The following CDH12 variants were observed in gnomAD, a reference collection of about 807,000 sequenced individuals.
CDH12 encodes cadherin 12.
In CDH12, 41 loss-of-function variants were observed where a neutral mutation model predicts 74.1. That is an observed-to-expected ratio of 0.55 (90% CI 0.43 to 0.72). CDH12 has a LOEUF of 0.72. Ranked by LOEUF, CDH12 falls within the 30% of genes least tolerant of loss-of-function variation. The pLI is 0.00. For missense variants in CDH12, 945 were observed against 977.2 expected, an observed-to-expected ratio of 0.97 and a Z score of 0.44; for synonymous variants, 399 against 355.0, an observed-to-expected ratio of 1.12 and a Z score of -1.39.
chr5:22,720,037 A>AAC (rs10654995), intron 1 of CDH12, among the ~76,000 whole-genome samples: 116,702 of 148,364 alleles, frequency 0.79, 47,287 homozygotes, highest in Non-Finnish European at 0.9. Context: ...ACAAAAACAC[A>AAC]ACACACACAC....
intron 4 of CDH12, among the ~76,000 whole-genome samples, chr5:22,116,516 A>G (rs151272793): frequency 5.3e-5 from 8 of 152,158 alleles, no homozygotes; most frequent in African/African-American, 1.7e-4. Context: ...GAGGCAGGAG[A>G]ATGGCATGAA....
chr5:22,206,393 A>T (rs1024973843), intron 4 of CDH12, among the ~76,000 whole-genome samples: 9 of 151,672 alleles, frequency 5.9e-5, no homozygotes, highest in Admixed American at 5.3e-4. Context: ...TACCTGGGAA[A>T]TTTTTTTTTA....
At chr5:22,666,993 C>T (rs774391202) in intron 1 of CDH12, among the ~76,000 whole-genome samples, 1 of 152,186 alleles carries the variant, frequency 6.6e-6, no homozygotes, top group South Asian at 2.1e-4. Context: ...TGGCTAATAT[C>T]CATTCTGTTC....
chr5:22,128,237 A>G (rs1745991599), intron 4 of CDH12, among the ~76,000 whole-genome samples: 1 of 152,046 alleles, frequency 6.6e-6, no homozygotes, highest in Admixed American at 6.5e-5. Flanking sequence ...GAAGAAGAAA[A>G]GGGCAAGGTG....
chr5:22,427,154 C>A (rs1399759892), intron 2 of CDH12, among the ~76,000 whole-genome samples: 1 of 152,026 alleles, frequency 6.6e-6, no homozygotes, highest in Non-Finnish European at 1.5e-5. Flanking sequence ...AAACCCTATA[C>A]TTTTAGAGAA....
chr5:22,161,459 G>T (rs1480950275), intron 4 of CDH12, among the ~76,000 whole-genome samples: 1 of 152,026 alleles, frequency 6.6e-6, no homozygotes, highest in Non-Finnish European at 1.5e-5. Context: ...GCACTTTGGA[G>T]GCTGTAATGG....
chr5:22,094,630 G>A (rs1362933341), intron 4 of CDH12, among the ~76,000 whole-genome samples: 1 of 152,028 alleles, frequency 6.6e-6, no homozygotes, highest in African/African-American at 2.4e-5. Context: ...GTGTATTAAT[G>A]GGCATCAAGA....
At chr5:22,745,549 A>G (rs1745250410) in intron 1 of CDH12, among the ~76,000 whole-genome samples, 1 of 152,202 alleles carries the variant, frequency 6.6e-6, no homozygotes, top group South Asian at 2.1e-4. Context: ...TGGATAAAGA[A>G]AATGTGGCAC....
intron 7 of CDH12, among the ~76,000 whole-genome samples, chr5:21,844,583 C>A (rs990857673): frequency 6.6e-6 from 1 of 152,098 alleles, no homozygotes; most frequent in Non-Finnish European, 1.5e-5. Context: ...CAGGGTAGAG[C>A]AGGAGGGCAG....
chr5:22,295,010 C>T (rs912731589), intron 3 of CDH12, among the ~76,000 whole-genome samples: 8 of 152,142 alleles, frequency 5.3e-5, no homozygotes, highest in Non-Finnish European at 1.0e-4. Context: ...AAGCACCAAT[C>T]AGCAACAGAG....
At chr5:22,371,573 C>A (rs953811717) in intron 3 of CDH12, among the ~76,000 whole-genome samples, 5 of 152,114 alleles carry the variant, frequency 3.3e-5, no homozygotes, top group African/African-American at 1.2e-4. Context: ...TTTTAACCAA[C>A]CACTCTTATA....
chr5:21,939,300 T>A (rs190587962), intron 6 of CDH12, among the ~76,000 whole-genome samples: 20 of 151,836 alleles, frequency 1.3e-4, no homozygotes, highest in Admixed American at 1.3e-3. Context: ...GAGTTTTATA[T>A]TTTCTGAATG....
chr5:22,444,321 T>G (rs1744736796), intron 2 of CDH12, among the ~76,000 whole-genome samples: 1 of 152,178 alleles, frequency 6.6e-6, no homozygotes, highest in African/African-American at 2.4e-5. Context: ...GTTAAAACAT[T>G]AATTCTCATA....
chr5:21,927,649 G>T (rs770096369), intron 6 of CDH12, among the ~76,000 whole-genome samples: 2 of 152,032 alleles, frequency 1.3e-5, no homozygotes, highest in Admixed American at 6.6e-5. Flanking sequence ...TTAGTGTGTG[G>T]GGGAAGGAGT....
At chr5:21,891,948 G>GA (rs1752918954) in intron 6 of CDH12, among the ~76,000 whole-genome samples, 1 of 152,128 alleles carries the variant, frequency 6.6e-6, no homozygotes, top group Non-Finnish European at 1.5e-5. Flanking sequence ...ATGCTTAATT[G>GA]ATGGCTACCA....
intron 8 of CDH12, among the ~76,000 whole-genome samples, chr5:21,819,510 G>T (rs1436930625): frequency 6.6e-6 from 1 of 151,920 alleles, no homozygotes; most frequent in Non-Finnish European, 1.5e-5. Flanking sequence ...AGTATCTGAG[G>T]AACATCAAAA....
At chr5:21,940,638 A>T (rs1755287005) in intron 6 of CDH12, among the ~76,000 whole-genome samples, 1 of 152,202 alleles carries the variant, frequency 6.6e-6, no homozygotes, top group Non-Finnish European at 1.5e-5. Context: ...TTTCTTCAGA[A>T]AGTGGTGTAA....
chr5:22,170,756 T>C (rs1242032313), intron 4 of CDH12, among the ~76,000 whole-genome samples: 1 of 151,826 alleles, frequency 6.6e-6, no homozygotes, highest in Non-Finnish European at 1.5e-5. Context: ...TTCACTGAAT[T>C]TGGGAGCTGG....
chr5:22,078,331 A>G, intron 5 of CDH12, 115 bp downstream of exon 5: 3 of 851,256 alleles, frequency 3.5e-6, no homozygotes, highest in Middle Eastern at 4.6e-4. Flanking sequence ...TTGGATTTCA[A>G]TTCCAGTGTT....
Sources: allele counts gnomAD v4.1 joint callset (sites outside exome capture counted in the v4.1 genomes callset), GRCh38; gene constraint gnomAD v4.1.1; transcripts MANE v1.5; gene names NCBI Gene and HGNC (gene_info 2026-07-23, HGNC 2026-07-21).